CAPN14: variants seen among roughly 807,000 people sequenced by gnomAD.
The protein encoded by CAPN14 is calpain 14.
In CAPN14, 94 loss-of-function variants were observed where a neutral mutation model predicts 101.3. That is an observed-to-expected ratio of 0.93 (90% CI 0.79 to 1.10). The LOEUF (loss-of-function observed/expected upper bound fraction) is 1.10, where lower values mean the gene tolerates loss of function less well. CAPN14 is among the 50% of genes least tolerant of loss of function. The pLI, the probability that CAPN14 is intolerant of heterozygous loss-of-function variation, is 0.00. For missense variants in CAPN14, 837 were observed against 828.4 expected (o/e 1.01, Z -0.13); for synonymous variants, 338 against 317.9 (o/e 1.06, Z -0.67).
chr2:31,210,528 A>G (rs1682344664), intron 1 of CAPN14, among the ~76,000 whole-genome samples: 2 of 151,842 alleles, frequency 1.3e-5, no homozygotes, highest in Non-Finnish European at 2.9e-5. Context: ...CATTTGTTCT[A>G]ATCACTTTCA....
At chr2:31,182,699 T>C (rs1680704626) in intron 16 of CAPN14, among the ~76,000 whole-genome samples, 2 of 145,596 alleles carry the variant, frequency 1.4e-5, no homozygotes, top group Admixed American at 7.0e-5. Context: ...CACAAACAAA[T>C]GGAAGAACAT....
Position 31,230,740 on chromosome 2 carries a change from A to G in CAPN14, c.-177+3051T>C, listed in dbSNP as rs1683165593. 6.6e-6 allele frequency among the ~76,000 whole-genome samples: 1 copy of G among 152,018 alleles called. No individual in the cohort carries two copies. The highest frequency in any genetic ancestry group is 1.5e-5 in the Non-Finnish European group (1 of 67,994). On this transcript the variant is annotated intron_variant and NMD_transcript_variant, in intron 1 of 21. Transcript: ENST00000398824. The surrounding 1 kb of genome is among the most constrained non-coding windows in gnomAD (Gnocchi z 4.3). ...CACAGCCATTAGTTCTATATTCTGG[A>G]TGTGCTTTCATGGGTTTTTGTGTAT...
intron 2 of CAPN14, among the ~76,000 whole-genome samples, chr2:31,225,226 A>G (rs1044361553): frequency 2.0e-5 from 3 of 152,074 alleles, no homozygotes; most frequent in African/African-American, 7.2e-5. Context: ...TAAAATATAT[A>G]CTGATTTTTA....
intron 6 of CAPN14, 77 bp from the exon 7 acceptor site, chr2:31,199,609 G>T (rs1681648687): frequency 2.5e-6 from 3 of 1,220,072 alleles, no homozygotes. Context: ...AGGCTGTTTG[G>T]CTGGAGCAGG....
At chr2:31,197,787 T>C (rs773419352) in intron 7 of CAPN14, among the ~76,000 whole-genome samples, 6 of 152,042 alleles carry the variant, frequency 3.9e-5, no homozygotes, top group Non-Finnish European at 5.9e-5. Flanking sequence ...CACGTGAAGA[T>C]GGAGGCAGAG....
At chr2:31,203,300 T>A (rs1419457652) in intron 2 of CAPN14, among the ~76,000 whole-genome samples, 161 bp from the exon 3 acceptor site, 1 of 152,200 alleles carries the variant, frequency 6.6e-6, no homozygotes, top group South Asian at 2.1e-4. Flanking sequence ...GATACAGAAT[T>A]CTGTCCTTTG....
intron 17 of CAPN14, among the ~76,000 whole-genome samples, 160 bp downstream of exon 17, chr2:31,180,776 T>C (rs1680552435): frequency 6.6e-6 from 1 of 152,258 alleles, no homozygotes; most frequent in African/African-American, 2.4e-5. Flanking sequence ...ACTCTCTCCA[T>C]GCTTCAGATG....
At chr2:31,203,223 A>G in intron 2 of CAPN14, 84 bp from the exon 3 acceptor site, 1 of 1,032,018 alleles carries the variant, frequency 9.7e-7, no homozygotes, top group African/African-American at 1.6e-5. Context: ...CCCATACCCC[A>G]AAACTGTACT....
chr2:31,213,818 G>C (rs1682514736), intron 1 of CAPN14, among the ~76,000 whole-genome samples: 1 of 152,150 alleles, frequency 6.6e-6, no homozygotes, highest in Non-Finnish European at 1.5e-5. Context: ...TTTTCAGGTG[G>C]TTCTGTGGTT....
Position 31,177,006 on chromosome 2 carries a change from C to A in CAPN14, c.1972+20G>T. 6.6e-7 allele frequency: 1 copy of A among 1,525,860 alleles called. No individual in the cohort carries two copies. The highest frequency in any genetic ancestry group is 8.9e-7 in the Non-Finnish European group (1 of 1,124,298). The allele number at this position is 1,525,860 out of a possible 1,614,324, so 94.5% of individuals were successfully genotyped here. A position where few individuals can be genotyped will look rare whatever the true frequency, so the allele number is the denominator to read the frequency against. On this transcript the variant is annotated intron_variant, in intron 20 of 21. Transcript: ENST00000403897. ...GCAGCAGAGGAAGACCTGGCCCTCCCCAGCTTCCCGCCAGCTTACCCTCCA... is the reference window on the plus strand; with the variant it reads ...GCAGCAGAGGAAGACCTGGCCCTCCACAGCTTCCCGCCAGCTTACCCTCCA...
intron 1 of CAPN14, among the ~76,000 whole-genome samples, chr2:31,213,258 C>A (rs1682486435): frequency 6.6e-6 from 1 of 152,210 alleles, no homozygotes; most frequent in South Asian, 2.1e-4. Context: ...ATGACATGTA[C>A]TGTGCCTACT....
intron 8 of CAPN14, 138 bp downstream of exon 8, chr2:31,197,111 G>A: frequency 1.7e-6 from 1 of 595,660 alleles, no homozygotes; most frequent in Non-Finnish European, 3.1e-6. Context: ...AAATGTGAGG[G>A]ATTGAGCTTC....
intron 1 of CAPN14, among the ~76,000 whole-genome samples, chr2:31,217,254 AG>A (rs1180440362): frequency 2.6e-5 from 4 of 152,176 alleles, no homozygotes; most frequent in Non-Finnish European, 4.4e-5. Flanking sequence ...CTATTCCTCA[AG>A]GTCACACTAA....
intron 8 of CAPN14, among the ~76,000 whole-genome samples, chr2:31,196,874 T>G (rs1298215848): frequency 1.3e-5 from 2 of 152,210 alleles, no homozygotes; most frequent in South Asian, 4.1e-4. Context: ...ACCAAAGACC[T>G]TGGTTGAGTC....
intron 9 of CAPN14, among the ~76,000 whole-genome samples, chr2:31,194,040 G>T (rs1305212962): frequency 6.6e-6 from 1 of 152,164 alleles, no homozygotes; most frequent in Non-Finnish European, 1.5e-5. Context: ...GAGGGCACTG[G>T]TCAGGGGCCT....
chr2:31,191,849 A>C, intron 11 of CAPN14, 86 bp downstream of exon 11: 3 of 1,279,370 alleles, frequency 2.3e-6, no homozygotes, highest in African/African-American at 3.0e-5. Flanking sequence ...ACAGATGGTG[A>C]AGAAGACAGG....
chr2:31,220,280 G>A (rs948528097), upstream of CAPN14, among the ~76,000 whole-genome samples: 2 of 152,184 alleles, frequency 1.3e-5, no homozygotes, highest in Admixed American at 6.5e-5. Flanking sequence ...GGGCACACAG[G>A]TTATTTATGG....
intron 7 of CAPN14, among the ~76,000 whole-genome samples, chr2:31,197,971 G>A (rs1012109442): frequency 6.6e-6 from 1 of 150,892 alleles, no homozygotes; most frequent in African/African-American, 2.4e-5. Flanking sequence ...TTGTTTTCAA[G>A]CTCCCCTGCC....
chr2:31,208,557 G>T (rs1179197521), intron 1 of CAPN14, among the ~76,000 whole-genome samples: 1 of 152,200 alleles, frequency 6.6e-6, no homozygotes, highest in East Asian at 1.9e-4. Flanking sequence ...AGTTTAGAAT[G>T]AGGCCACATG....
Sources: allele counts gnomAD v4.1 joint callset (sites outside exome capture counted in the v4.1 genomes callset), GRCh38; gene constraint gnomAD v4.1.1; non-coding constraint Gnocchi (gnomAD v3.1); transcripts MANE v1.5; gene names NCBI Gene and HGNC (gene_info 2026-07-23, HGNC 2026-07-21).